FAM120A: variants seen among roughly 807,000 people sequenced by gnomAD.
FAM120A encodes family with sequence similarity 120 member A.
FAM120A carries 15 observed loss-of-function variants against 109.7 expected under a neutral mutation model. That is an observed-to-expected ratio of 0.14 (90% CI 0.09 to 0.21). The LOEUF (loss-of-function observed/expected upper bound fraction) is 0.21. Among genes scored for constraint, FAM120A ranks in the 10% least tolerant of loss-of-function variants. The pLI is 1.00. For synonymous variants in FAM120A, 493 were observed against 572.8 expected (o/e 0.86, Z 1.99); for missense variants, 899 against 1,439.3 (o/e 0.62, Z 6.07).
intron 10 of FAM120A, among the ~76,000 whole-genome samples, chr9:93,537,448 T>G (rs985452439): frequency 6.6e-6 from 1 of 152,190 alleles, no homozygotes; most frequent in African/African-American, 2.4e-5. Flanking sequence ...TAAAATTGGC[T>G]TTTGTTTCTT....
intron 10 of FAM120A, 54 bp from the exon 11 acceptor site, chr9:93,543,168 G>C (rs780457014): frequency 5.7e-6 from 9 of 1,582,512 alleles, no homozygotes; most frequent in Non-Finnish European, 7.7e-6. Context: ...TGTTAAGACT[G>C]AAAGCAGGTG....
intron 3 of FAM120A, among the ~76,000 whole-genome samples, chr9:93,481,507 T>A (rs1001605903): frequency 6.6e-6 from 1 of 152,198 alleles, no homozygotes; most frequent in Non-Finnish European, 1.5e-5. Flanking sequence ...TTGGACCTGT[T>A]TAGTTTCAGG....
intron 1 of FAM120A, among the ~76,000 whole-genome samples, chr9:93,461,850 A>G (rs187164883): frequency 1.2e-4 from 18 of 152,356 alleles, no homozygotes; most frequent in African/African-American, 3.6e-4. Flanking sequence ...AGAATGTTCA[A>G]CTGGTAAGCA....
intron 3 of FAM120A, among the ~76,000 whole-genome samples, chr9:93,486,770 G>A (rs1002182586): frequency 6.6e-6 from 1 of 152,018 alleles, no homozygotes; most frequent in Non-Finnish European, 1.5e-5. Flanking sequence ...CTGACCTCAA[G>A]TGATCTGCCT....
At chr9:93,558,475 C>T in intron 14 of FAM120A, 106 bp from the exon 15 acceptor site, 1 of 1,414,278 alleles carries the variant, frequency 7.1e-7, no homozygotes. Context: ...GGAGACCCCT[C>T]CATGGCAGCT....
intron 3 of FAM120A, among the ~76,000 whole-genome samples, chr9:93,485,365 G>A (rs1204485749): frequency 1.3e-5 from 2 of 152,072 alleles, no homozygotes; most frequent in African/African-American, 4.8e-5. Context: ...GGATGCCAAG[G>A]TGGGAAGATC....
At chr9:93,520,169 G>T (rs560617158) in intron 7 of FAM120A, among the ~76,000 whole-genome samples, 1 of 152,334 alleles carries the variant, frequency 6.6e-6, no homozygotes, top group East Asian at 1.9e-4. Context: ...GTGTGCAGCT[G>T]ATGGCAACTG....
chr9:93,507,633 C>G (rs935664539), intron 5 of FAM120A, among the ~76,000 whole-genome samples: 1 of 152,074 alleles, frequency 6.6e-6, no homozygotes, highest in South Asian at 2.1e-4. Flanking sequence ...GAAAGAGTGG[C>G]TCAGCGAGGC....
At chr9:93,496,704 A>G (rs1396725373) in intron 3 of FAM120A, among the ~76,000 whole-genome samples, 2 of 152,198 alleles carry the variant, frequency 1.3e-5, no homozygotes, top group Admixed American at 6.5e-5. Flanking sequence ...GAATTTTGCC[A>G]CGCAATGCAG....
At position 93,532,162 on chromosome 9, in the gene FAM120A, T is replaced by A; in HGVS notation, c.1742T>A (p.Ile581Asn). 6.2e-7 allele frequency: 1 copy of A among 1,613,666 alleles called. No homozygotes were observed. Among genetic ancestry groups the A allele is most frequent in the South Asian group, 1.1e-5 (1 of 90,948 alleles). ...GCTTTCTTCCATGCAAAGGGTGAAATCAAAATTGCTGTTTCTATTGAAGAT... is the reference window on the plus strand; with the variant it reads ...GCTTTCTTCCATGCAAAGGGTGAAAACAAAATTGCTGTTTCTATTGAAGAT... ...YIFHVLTKGE[I>N]KIAVSIEDEA... Residue 581 changes from isoleucine to asparagine, a missense_variant, in exon 10 of 18, where the codon ATC (isoleucine) becomes AAC (asparagine). Physicochemically the swap from Ile to Asn is moderately radical, Grantham distance 149 (BLOSUM62 -3). Around this residue, in one of 11 missense-constraint regions of FAM120A, gnomAD observed 133 missense variants for 276.6 expected, o/e 0.48. Transcript: ENST00000277165. This position sits in a 1 kb window ranked among gnomAD's most constrained non-coding sequence, Gnocchi z 4.3.
chr9:93,504,282 G>C (rs915148216), intron 5 of FAM120A, among the ~76,000 whole-genome samples: 2 of 152,172 alleles, frequency 1.3e-5, no homozygotes, highest in Non-Finnish European at 2.9e-5. Flanking sequence ...GCAGTTGCCA[G>C]GCACCACCTT....
chr9:93,561,883 G>T (rs1465916291), intron 16 of FAM120A, among the ~76,000 whole-genome samples: 4 of 152,036 alleles, frequency 2.6e-5, no homozygotes, highest in African/African-American at 9.7e-5. Flanking sequence ...GTAGCTCAGG[G>T]GTAGAGCATT....
At chr9:93,494,258 A>G (rs1859471233) in intron 3 of FAM120A, among the ~76,000 whole-genome samples, 2 of 152,158 alleles carry the variant, frequency 1.3e-5, no homozygotes, top group Admixed American at 1.3e-4. Flanking sequence ...TCTTCCCACA[A>G]TTGCTTATTT....
At chr9:93,510,528 C>G (rs56067315) in intron 5 of FAM120A, among the ~76,000 whole-genome samples, 4,326 of 152,256 alleles carry the variant, frequency 0.028, 91 homozygotes, top group East Asian at 0.07. Flanking sequence ...TTAGGTTGTG[C>G]TTTTCCAAAA....
chr9:93,469,656 G>A (rs1346818672), intron 1 of FAM120A, among the ~76,000 whole-genome samples: 1 of 152,172 alleles, frequency 6.6e-6, no homozygotes, highest in African/African-American at 2.4e-5. Context: ...CTGGTATACA[G>A]TGTTTTTAGA....
chr9:93,470,942 T>A (rs1258312120), intron 1 of FAM120A, among the ~76,000 whole-genome samples, 199 bp from the exon 2 acceptor site: 2 of 152,194 alleles, frequency 1.3e-5, no homozygotes, highest in Non-Finnish European at 2.9e-5. Flanking sequence ...AGGAGATGAT[T>A]TAAATGCGAT....
intron 1 of FAM120A, among the ~76,000 whole-genome samples, chr9:93,466,780 A>G (rs929200791): frequency 6.6e-6 from 1 of 152,152 alleles, no homozygotes; most frequent in Non-Finnish European, 1.5e-5. Flanking sequence ...CTAATGCAGC[A>G]CCATGAGGTT....
At chr9:93,497,955 T>A (rs1441507928) in intron 4 of FAM120A, among the ~76,000 whole-genome samples, 1 of 152,260 alleles carries the variant, frequency 6.6e-6, no homozygotes, top group Non-Finnish European at 1.5e-5. Context: ...ATCAAGTCAG[T>A]CATATGGCAT....
chr9:93,459,454 CTGGTTCCCAATGGTGAT>C (rs1170549357), intron 1 of FAM120A, among the ~76,000 whole-genome samples: 1 of 152,146 alleles, frequency 6.6e-6, no homozygotes, highest in East Asian at 1.9e-4. Flanking sequence ...TCTTTTCTGA[CTGGTTCCCAATGGTGAT>C]TGATTCTCCT....
Sources: allele counts gnomAD v4.1 joint callset (sites outside exome capture counted in the v4.1 genomes callset), GRCh38; gene constraint gnomAD v4.1.1; regional missense constraint gnomAD v4.1.1; non-coding constraint Gnocchi (gnomAD v3.1); transcripts MANE v1.5; gene names NCBI Gene and HGNC (gene_info 2026-07-23, HGNC 2026-07-21).